The following GRM7 variants were observed in gnomAD, a reference collection of about 807,000 sequenced individuals.
The protein encoded by GRM7 is metabotropic glutamate receptor 7.
In GRM7, 35 loss-of-function variants were observed where a neutral mutation model predicts 84.5. The observed-to-expected ratio is 0.41, with a 90% CI of 0.32 to 0.55. The LOEUF is 0.55. GRM7 is among the 20% of genes least tolerant of loss of function. The pLI, the probability that GRM7 is intolerant of heterozygous loss-of-function variation, is 0.19. For missense variants in GRM7, 1,003 were observed against 1,194.6 expected (o/e 0.84, Z 2.36); for synonymous variants, 487 against 455.1 (o/e 1.07, Z -0.89).
intron 4 of GRM7, among the ~76,000 whole-genome samples, chr3:7,390,968 G>A (rs1368578540): frequency 6.6e-6 from 1 of 152,008 alleles, no homozygotes; most frequent in Admixed American, 6.5e-5. Context: ...CTTTTCATCT[G>A]AGTGAGCTGA....
At chr3:7,124,738 A>G (rs1302212115) in intron 1 of GRM7, among the ~76,000 whole-genome samples, 2 of 152,166 alleles carry the variant, frequency 1.3e-5, no homozygotes, top group Non-Finnish European at 2.9e-5. Flanking sequence ...CTTTTTCCCC[A>G]TCACAATGAG....
intron 2 of GRM7, among the ~76,000 whole-genome samples, chr3:7,257,214 C>T (rs1698241975): frequency 1.3e-5 from 2 of 152,156 alleles, no homozygotes; most frequent in South Asian, 4.1e-4. Flanking sequence ...CTATGGAAGA[C>T]CTCTCTGCTA....
rs866973454 is a variant in GRM7, at chr3:7,283,333, C to T, written c.737-15351C>T. 4.6e-5 allele frequency among the ~76,000 whole-genome samples: 7 copies of T among 151,946 alleles called. No homozygotes were observed. The East Asian group carries it at 9.7e-4, about 21-fold the overall frequency. ...TTTTGTGAGTTTAAGTTAGATAATG[C>T]GTATAAAGTAGCTGATGCAAAGCCT... is the stretch of plus-strand genomic sequence containing the variant. On this transcript the variant is annotated intron_variant, in intron 2 of 9. Coordinates refer to ENST00000357716, the MANE Select transcript of GRM7 (RefSeq NM_000844.4).
intron 5 of GRM7, among the ~76,000 whole-genome samples, chr3:7,428,367 T>G (rs1696696818): frequency 6.6e-6 from 1 of 152,212 alleles, no homozygotes; most frequent in Non-Finnish European, 1.5e-5. Context: ...TCAACTTTTT[T>G]TCTCCTGGGA....
chr3:7,207,078 A>G (rs1227738736), intron 2 of GRM7, among the ~76,000 whole-genome samples: 1 of 152,238 alleles, frequency 6.6e-6, no homozygotes, highest in Non-Finnish European at 1.5e-5. Flanking sequence ...GAGAAATAGA[A>G]GAAAACAGAA....
intron 7 of GRM7, among the ~76,000 whole-genome samples, chr3:7,488,858 CTTATTTATTTAT>C (rs3065639): frequency 6.8e-6 from 1 of 147,484 alleles, no homozygotes; most frequent in Non-Finnish European, 1.5e-5. Context: ...CTAGTAAGGT[CTTATTTATTTAT>C]TTATTTATTT....
Position 7,680,173 on chromosome 3 carries a change from G to T in GRM7, c.2576G>T (p.Arg859Leu). 1 of 1,614,174 alleles carries T rather than the reference G, an allele frequency of 6.2e-7. No homozygotes were observed. The highest frequency in any genetic ancestry group is 8.5e-7 in the Non-Finnish European group (1 of 1,180,024). Residue 859 changes from arginine (R) to leucine (L), a missense_variant, in exon 9 of 10, where the codon CGG (arginine) becomes CTG (leucine). This residue lies in a region of GRM7 where 910 missense variants were observed against 1,126.0 expected (regional missense o/e 0.81). Coordinates refer to ENST00000357716, the MANE Select transcript of GRM7 (RefSeq NM_000844.4). ...CACCCTGAACTCAATGTCCAGAAAC[G>T]GAAGCGAAGCTTCAAGGCGGTAGTC... is the stretch of plus-strand genomic sequence containing the variant. ...IFHPELNVQK[R>L]KRSFKAVVTA...
intron 1 of GRM7, among the ~76,000 whole-genome samples, chr3:7,031,225 CT>C: frequency 6.6e-6 from 1 of 152,060 alleles, no homozygotes; most frequent in Non-Finnish European, 1.5e-5. Context: ...TGTTTGCTGT[CT>C]TTTGCTACAA....
At chr3:6,925,903 T>G (rs1697282029) in intron 1 of GRM7, among the ~76,000 whole-genome samples, 1 of 152,134 alleles carries the variant, frequency 6.6e-6, no homozygotes, top group Non-Finnish European at 1.5e-5. Flanking sequence ...ATTGTAGTGT[T>G]TTTCCTATAA....
intron 1 of GRM7, among the ~76,000 whole-genome samples, chr3:6,950,468 T>TG (rs1285966379): frequency 6.6e-6 from 1 of 152,192 alleles, no homozygotes; most frequent in Admixed American, 6.5e-5. Flanking sequence ...ACGCCCCTAC[T>TG]GGGGGGTGCC....
chr3:7,213,443 C>A, intron 2 of GRM7, among the ~76,000 whole-genome samples: 1 of 152,150 alleles, frequency 6.6e-6, no homozygotes. Flanking sequence ...ATGTTACAGA[C>A]TGAATGAAAA....
chr3:7,309,542 A>G (rs775050584), intron 4 of GRM7, among the ~76,000 whole-genome samples: 22 of 152,296 alleles, frequency 1.4e-4, no homozygotes, highest in Non-Finnish European at 2.6e-4. Flanking sequence ...GGGAAAAGCC[A>G]ATCAGTAATC....
At chr3:6,949,788 C>T (rs1030489222) in intron 1 of GRM7, among the ~76,000 whole-genome samples, 1 of 152,170 alleles carries the variant, frequency 6.6e-6, no homozygotes, top group African/African-American at 2.4e-5. Context: ...CTTCTTTTCA[C>T]ACTTCATTGT....
chr3:7,066,626 C>T (rs903609186), intron 1 of GRM7, among the ~76,000 whole-genome samples: 2 of 151,896 alleles, frequency 1.3e-5, no homozygotes, highest in Non-Finnish European at 2.9e-5. Context: ...CCTTTTGACA[C>T]TATTCCACAA....
chr3:7,142,114 TGTTAGGCTTAG>T (rs1693963909), intron 1 of GRM7, among the ~76,000 whole-genome samples: 1 of 151,930 alleles, frequency 6.6e-6, no homozygotes, highest in Non-Finnish European at 1.5e-5. Context: ...TAACAATGAA[TGTTAGGCTTAG>T]GTTAGGTCAA....
intron 1 of GRM7, among the ~76,000 whole-genome samples, chr3:6,888,242 C>A (rs1188503652): frequency 6.6e-6 from 1 of 152,014 alleles, no homozygotes; most frequent in Non-Finnish European, 1.5e-5. Context: ...TTAATTAGAT[C>A]CCATTTGTCA....
At chr3:7,607,452 A>C (rs1360211553) in intron 8 of GRM7, 1 of 152,212 alleles carries the variant, frequency 6.6e-6, no homozygotes, top group African/African-American at 2.4e-5. Flanking sequence ...GAAAACCAAA[A>C]CAAAACAAAA....
intron 2 of GRM7, among the ~76,000 whole-genome samples, chr3:7,238,065 A>G (rs1379909382): frequency 6.6e-6 from 1 of 152,218 alleles, no homozygotes; most frequent in Non-Finnish European, 1.5e-5. Flanking sequence ...AGCTCATAGC[A>G]TTAAGGAATA....
intron 8 of GRM7, among the ~76,000 whole-genome samples, chr3:7,602,020 C>G (rs1696337555): frequency 1.4e-5 from 2 of 138,574 alleles, no homozygotes; most frequent in South Asian, 4.4e-4. Flanking sequence ...AGAAAACCAG[C>G]AGAGTGAATG....
Sources: allele counts gnomAD v4.1 joint callset (sites outside exome capture counted in the v4.1 genomes callset), GRCh38; gene constraint gnomAD v4.1.1; regional missense constraint gnomAD v4.1.1; transcripts MANE v1.5; gene names NCBI Gene and HGNC (gene_info 2026-07-23, HGNC 2026-07-21).